ANKS1B: variants seen among roughly 807,000 people sequenced by gnomAD.
The protein encoded by ANKS1B is ankyrin repeat and sterile alpha motif domain containing 1B, also known as ankyrin repeat and sterile alpha motif domain-containing protein 1B.
A neutral mutation model predicts 148.3 loss-of-function variants in ANKS1B; 36 were observed. That is an observed-to-expected ratio of 0.24 (90% confidence interval 0.19 to 0.32). ANKS1B has a LOEUF of 0.32. Ranked by LOEUF, ANKS1B falls within the 10% of genes least tolerant of loss-of-function variation. ANKS1B has a pLI of 1.00. For synonymous variants in ANKS1B, 542 were observed against 560.8 expected, an observed-to-expected ratio of 0.97 and a Z score of 0.47; for missense variants, 1,157 against 1,542.6, an observed-to-expected ratio of 0.75 and a Z score of 4.19.
intron 14 of ANKS1B, among the ~76,000 whole-genome samples, chr12:99,169,553 T>C (rs1236231875): frequency 6.6e-6 from 1 of 152,188 alleles, no homozygotes; most frequent in East Asian, 1.9e-4. Context: ...TGAGTCTTTC[T>C]AGTGATCAAA....
chr12:99,343,480 G>C (rs2090222334), intron 12 of ANKS1B, among the ~76,000 whole-genome samples: 1 of 151,950 alleles, frequency 6.6e-6, no homozygotes, highest in Non-Finnish European at 1.5e-5. Context: ...TCCAGCATAA[G>C]GCTAATCCCT....
intron 11 of ANKS1B, among the ~76,000 whole-genome samples, chr12:99,404,452 A>G (rs561865343): frequency 6.8e-6 from 1 of 146,018 alleles, no homozygotes; most frequent in East Asian, 1.9e-4. Flanking sequence ...AGAGATTGAA[A>G]TTATTGAAAA....
In ANKS1B at chr12:99,400,614, A is replaced by T. The variant is rs564823972; in HGVS notation, c.1576-803T>A. ...AGCTTCTAACATTGTCCTTCAGAAA[A>T]ACTGCAGTTTTTTGGCTCTCAAATG... On this transcript the variant is annotated intron_variant, in intron 11 of 26. Transcript: ENST00000683438. Among the ~76,000 whole-genome samples the T allele has an allele frequency of 2.1e-5, 3 of 144,280 alleles. 1 individual carries two copies. Among genetic ancestry groups the T allele is most frequent in the African/African-American group, 7.9e-5 (3 of 37,904 alleles). 94.7% of individuals were successfully genotyped at this position (144,280 alleles called of 152,430 possible).
chr12:99,515,947 C>T (rs984064440), intron 9 of ANKS1B, among the ~76,000 whole-genome samples: 45 of 152,194 alleles, frequency 3.0e-4, no homozygotes, highest in African/African-American at 1.1e-3. Context: ...GCCTGTTTGC[C>T]ATTTGTATGT....
At chr12:99,135,841 G>A (rs976654586) in intron 15 of ANKS1B, among the ~76,000 whole-genome samples, 1 of 152,196 alleles carries the variant, frequency 6.6e-6, no homozygotes, top group Admixed American at 6.5e-5. Context: ...AATGAAGAGA[G>A]TCCCAAAATG....
chr12:99,363,619 T>C (rs760664793), intron 12 of ANKS1B, among the ~76,000 whole-genome samples: 2 of 152,142 alleles, frequency 1.3e-5, no homozygotes, highest in Non-Finnish European at 2.9e-5. Context: ...TCAGAGCCTG[T>C]ACCTAATGTA....
chr12:99,827,940 T>C (rs1326074160), intron 1 of ANKS1B, among the ~76,000 whole-genome samples: 1 of 152,192 alleles, frequency 6.6e-6, no homozygotes, highest in Admixed American at 6.6e-5. Context: ...CCACTGTAGG[T>C]ATTTAGCCCA....
At position 99,215,253 on chromosome 12, in the gene ANKS1B, C is replaced by T. The variant is rs187705986; in HGVS notation, c.2419+29089G>A. ...CTCCTTCTAAATTTCAGAGGATTTA[C>T]GGAAATACTTGGATGTCCAGGCAGA... On this transcript the variant is annotated intron_variant, in intron 14 of 26. Transcript: ENST00000683438. Among the ~76,000 whole-genome samples, 650 of 152,270 alleles carry T rather than the reference C, an allele frequency of 4.3e-3. 3 individuals are homozygous for T. The highest frequency in any genetic ancestry group is 7.1e-3 in the Non-Finnish European group (484 of 68,026).
At chr12:99,470,130 T>C (rs1192689283) in intron 10 of ANKS1B, among the ~76,000 whole-genome samples, 1 of 151,392 alleles carries the variant, frequency 6.6e-6, no homozygotes, top group Middle Eastern at 3.5e-3. Context: ...ATAATAATAA[T>C]AATAATAATA....
chr12:99,434,382 A>G (rs763270521), intron 11 of ANKS1B, among the ~76,000 whole-genome samples: 2 of 152,160 alleles, frequency 1.3e-5, no homozygotes, highest in Non-Finnish European at 2.9e-5. Flanking sequence ...AATAAATTTA[A>G]CCAGCTTTAC....
chr12:99,347,303 T>C (rs1279125545), intron 12 of ANKS1B, among the ~76,000 whole-genome samples: 1 of 151,946 alleles, frequency 6.6e-6, no homozygotes, highest in Non-Finnish European at 1.5e-5. Flanking sequence ...GGAAGTGAGA[T>C]GCTTGGGGGA....
intron 1 of ANKS1B, among the ~76,000 whole-genome samples, chr12:99,964,031 TAAAG>T (rs1181108372): frequency 1.3e-5 from 2 of 152,162 alleles, no homozygotes; most frequent in African/African-American, 4.8e-5. Flanking sequence ...ATAATTATGA[TAAAG>T]AAAGACCTTC....
intron 17 of ANKS1B, among the ~76,000 whole-genome samples, chr12:98,840,818 A>G (rs1212032650): frequency 1.3e-5 from 2 of 152,238 alleles, no homozygotes; most frequent in African/African-American, 4.8e-5. Flanking sequence ...AGTTACTTTT[A>G]AGTAAAGCTT....
chr12:99,966,365 T>C (rs1172266246), intron 1 of ANKS1B, among the ~76,000 whole-genome samples: 1 of 152,176 alleles, frequency 6.6e-6, no homozygotes, highest in Admixed American at 6.5e-5. Flanking sequence ...ATTTCCAGAT[T>C]TTCCATAATA....
chr12:99,893,410 C>CA lies in ANKS1B; in HGVS notation c.135-68022dup, dbSNP rs57828427. ...TGGGAGACAGAGCGAGACTCCATCT[C>CA]AAAAAAAAAAAAAAAAAAATTGAGA... is the stretch of plus-strand genomic sequence containing the variant. On this transcript the variant is annotated intron_variant, in intron 1 of 26. Transcript: ENST00000683438. 7.3e-3 allele frequency among the ~76,000 whole-genome samples: 747 copies of CA among 102,206 alleles called. 8 individuals are homozygous for CA. The highest frequency in any genetic ancestry group is 0.01 in the Admixed American group (98 of 9,488). The allele number at this position is 102,206 out of a possible 152,430, so 67.1% of individuals were successfully genotyped here. A position where few individuals can be genotyped will look rare whatever the true frequency, so the allele number is the denominator to read the frequency against.
At chr12:99,180,626 G>GTTTT (rs11415606) in intron 14 of ANKS1B, among the ~76,000 whole-genome samples, 2 of 126,040 alleles carry the variant, frequency 1.6e-5, no homozygotes, top group African/African-American at 5.9e-5. Flanking sequence ...GAGGGAAAGG[G>GTTTT]TTTTTTTTTT....
intron 26 of ANKS1B, among the ~76,000 whole-genome samples, chr12:98,747,352 T>G (rs1007589787): frequency 6.6e-6 from 1 of 152,136 alleles, no homozygotes; most frequent in African/African-American, 2.4e-5. Flanking sequence ...GTAAAAATGC[T>G]CAACATCACT....
At chr12:99,466,810 C>A (rs1225685439) in intron 10 of ANKS1B, among the ~76,000 whole-genome samples, 1 of 151,664 alleles carries the variant, frequency 6.6e-6, no homozygotes, top group East Asian at 1.9e-4. Context: ...GCTTACCAAC[C>A]AAAAAGAGTC....
intron 17 of ANKS1B, among the ~76,000 whole-genome samples, chr12:98,878,998 T>C (rs966930169): frequency 2.0e-5 from 3 of 152,254 alleles, no homozygotes; most frequent in Admixed American, 6.5e-5. Flanking sequence ...GCATACTGTC[T>C]GTGTGATTGG....
Sources: allele counts gnomAD v4.1 joint callset (sites outside exome capture counted in the v4.1 genomes callset), GRCh38; gene constraint gnomAD v4.1.1; transcripts MANE v1.5; gene names NCBI Gene and HGNC (gene_info 2026-07-23, HGNC 2026-07-21).